The following FHIT variants were observed in gnomAD, a reference collection of about 807,000 sequenced individuals.
FHIT encodes bis(5'-adenosyl)-triphosphatase.
Under a neutral mutation model 17.9 loss-of-function variants are expected in FHIT, and 19 were observed. The ratio of observed to expected loss-of-function variants is 1.06; its 90% CI spans 0.74 to 1.56. FHIT has a LOEUF of 1.56. Among genes scored for constraint, FHIT ranks in the 40% most tolerant of loss-of-function variants. The probability of loss-of-function intolerance (pLI) is 0.00; values close to 1 mark genes in which losing one functional copy is unlikely to be tolerated. For synonymous variants in FHIT, 81 were observed against 69.7 expected (o/e 1.16, Z -0.81); for missense variants, 248 against 189.2 (o/e 1.31, Z -1.82).
intron 5 of FHIT, among the ~76,000 whole-genome samples, chr3:60,279,298 G>A (rs1006355078): frequency 1.3e-4 from 19 of 151,956 alleles, no homozygotes; most frequent in African/African-American, 4.6e-4. Flanking sequence ...ATAAACAGAG[G>A]CAATTCCTTA....
chr3:60,334,928 G>T (rs548354281), intron 5 of FHIT, among the ~76,000 whole-genome samples: 1 of 152,278 alleles, frequency 6.6e-6, no homozygotes, highest in Non-Finnish European at 1.5e-5. Context: ...ATAAGAAACA[G>T]AATCTTTTTA....
chr3:60,744,270 A>AAAAAAAAAAAAAAAAC (rs1577150242), intron 4 of FHIT, among the ~76,000 whole-genome samples: 2 of 22,518 alleles, frequency 8.9e-5, no homozygotes, highest in Non-Finnish European at 1.7e-4. Context: ...AAACAAAACA[A>AAAAAAAAAAAAAAAAC]AAAAAAAAAA....
At chr3:60,331,727 TC>T (rs945577366) in intron 5 of FHIT, among the ~76,000 whole-genome samples, 1 of 151,856 alleles carries the variant, frequency 6.6e-6, no homozygotes, top group Non-Finnish European at 1.5e-5. Flanking sequence ...ATGCCTGTAA[TC>T]CCAGCTACTT....
intron 4 of FHIT, among the ~76,000 whole-genome samples, chr3:60,556,473 T>C (rs1213971113): frequency 6.6e-6 from 1 of 152,182 alleles, no homozygotes; most frequent in Admixed American, 6.5e-5. Flanking sequence ...CAAATGAGCA[T>C]TGGTTGAATA....
intron 4 of FHIT, among the ~76,000 whole-genome samples, chr3:60,820,567 T>C (rs1701889938): frequency 6.6e-6 from 1 of 152,172 alleles, no homozygotes; most frequent in African/African-American, 2.4e-5. Flanking sequence ...GTCTCACAGT[T>C]CTACAACTCT....
intron 5 of FHIT, among the ~76,000 whole-genome samples, chr3:60,307,199 G>T (rs1185009502): frequency 6.6e-6 from 1 of 152,158 alleles, no homozygotes; most frequent in Non-Finnish European, 1.5e-5. Flanking sequence ...TCTGTCTCCA[G>T]TAAAACATCT....
At chr3:60,080,634 C>T (rs9829623) in intron 5 of FHIT, among the ~76,000 whole-genome samples, 11,394 of 151,996 alleles carry the variant, frequency 0.075, 611 homozygotes, top group African/African-American at 0.15. Context: ...GGAGACTGCA[C>T]GAAATTGCCA....
chr3:60,851,821 A>G (rs1703165703), intron 3 of FHIT, among the ~76,000 whole-genome samples: 1 of 152,134 alleles, frequency 6.6e-6, no homozygotes, highest in African/African-American at 2.4e-5. Context: ...ACAAGCCAGT[A>G]CTGAGTCTTT....
intron 8 of FHIT, among the ~76,000 whole-genome samples, chr3:59,797,387 A>C (rs539410158): frequency 6.6e-6 from 1 of 152,098 alleles, no homozygotes; most frequent in Non-Finnish European, 1.5e-5. Flanking sequence ...GGGTTTTACT[A>C]TGTTGGCCAG....
At chr3:60,040,698 G>A (rs889745138) in intron 5 of FHIT, among the ~76,000 whole-genome samples, 1 of 152,150 alleles carries the variant, frequency 6.6e-6, no homozygotes, top group African/African-American at 2.4e-5. Context: ...GGGAGAGGAA[G>A]CGAACACAAA....
chr3:61,123,820 T>C (rs1379957001), intron 2 of FHIT, among the ~76,000 whole-genome samples: 1 of 152,130 alleles, frequency 6.6e-6, no homozygotes, highest in Non-Finnish European at 1.5e-5. Flanking sequence ...GGCTTCAAGA[T>C]ACCAACATGA....
At chr3:60,393,944 A>C (rs1321023439) in intron 5 of FHIT, among the ~76,000 whole-genome samples, 1 of 152,172 alleles carries the variant, frequency 6.6e-6, no homozygotes, top group East Asian at 1.9e-4. Flanking sequence ...TTTTGTTCCC[A>C]GCTTGGATTG....
intron 4 of FHIT, among the ~76,000 whole-genome samples, chr3:60,734,802 T>G (rs1163088663): frequency 6.6e-6 from 1 of 152,250 alleles, no homozygotes; most frequent in African/African-American, 2.4e-5. Context: ...TTTAATCCTG[T>G]AAGAAAGATT....
chr3:60,817,534 C>A (rs1406651995), intron 4 of FHIT, among the ~76,000 whole-genome samples: 2 of 151,390 alleles, frequency 1.3e-5, no homozygotes, highest in African/African-American at 4.8e-5. Context: ...TTTTTTTTTA[C>A]CCCTCGTTTG....
At chr3:60,341,927 G>A (rs1345010800) in intron 5 of FHIT, among the ~76,000 whole-genome samples, 4 of 152,134 alleles carry the variant, frequency 2.6e-5, no homozygotes, top group Non-Finnish European at 5.9e-5. Flanking sequence ...CTTGTCACAT[G>A]ACCAGCGAGG....
chr3:60,769,586 G>A (rs1260327987), intron 4 of FHIT, among the ~76,000 whole-genome samples: 1 of 152,232 alleles, frequency 6.6e-6, no homozygotes, highest in Admixed American at 6.5e-5. Flanking sequence ...CTCCAGGGGT[G>A]CCTCATGGTC....
intron 4 of FHIT, among the ~76,000 whole-genome samples, chr3:60,651,229 T>C (rs2039983733): frequency 6.6e-6 from 1 of 152,134 alleles, no homozygotes; most frequent in African/African-American, 2.4e-5. Flanking sequence ...ATTCCTAAAA[T>C]GGGGAATTGC....
intron 2 of FHIT, among the ~76,000 whole-genome samples, chr3:61,069,478 G>A (rs1279786036): frequency 6.6e-6 from 1 of 152,150 alleles, no homozygotes; most frequent in Non-Finnish European, 1.5e-5. Context: ...ATTAAGGACT[G>A]TTATGGTAGG....
chr3:60,408,148 A>G lies in FHIT; in HGVS notation c.103+128712T>C, dbSNP rs1450819264. ...TGTAACACACAGGCACATTAATTCT[A>G]TAAACATTCTTTTCAAGGAAGCTGC... On this transcript the variant is annotated intron_variant, in intron 5 of 9. Coordinates refer to ENST00000492590, the MANE Select transcript of FHIT (RefSeq NM_002012.4). Among the ~76,000 whole-genome samples the G allele has an allele frequency of 2.0e-5, 3 of 152,190 alleles. No homozygotes were observed. In the East Asian group the frequency reaches 5.8e-4, roughly 29 times the overall value.
Sources: allele counts gnomAD v4.1 joint callset (sites outside exome capture counted in the v4.1 genomes callset), GRCh38; gene constraint gnomAD v4.1.1; transcripts MANE v1.5; gene names NCBI Gene and HGNC (gene_info 2026-07-23, HGNC 2026-07-21).